Variants in NYAP2 observed in about 807,000 individuals in gnomAD.
NYAP2 encodes the protein neuronal tyrosine-phosphorylated phosphoinositide-3-kinase adaptor 2.
NYAP2 carries 23 observed loss-of-function variants against 50.4 expected under a neutral mutation model. That is an observed-to-expected ratio of 0.46 (90% CI 0.33 to 0.65). The LOEUF (loss-of-function observed/expected upper bound fraction) is 0.65, where lower values mean the gene tolerates loss of function less well. Ranked by LOEUF, NYAP2 falls within the 30% of genes least tolerant of loss-of-function variation. NYAP2 has a pLI of 0.02. For missense variants in NYAP2, 885 were observed against 861.0 expected (o/e 1.03, Z -0.35); for synonymous variants, 394 against 365.2 (o/e 1.08, Z -0.90).
Position 225,506,356 on chromosome 2 carries a change from G to T in NYAP2, c.222-7015G>T, listed in dbSNP as rs182595660. ...GCTGGGGAGAGCGTGTGAATATGATGAATTGTATGACAAGTTACACCTGCC... is the reference window on the plus strand; with the variant it reads ...GCTGGGGAGAGCGTGTGAATATGATTAATTGTATGACAAGTTACACCTGCC... On this transcript the variant is annotated intron_variant, in intron 3 of 6. Coordinates refer to ENST00000636099, the Ensembl canonical transcript of NYAP2. Among the ~76,000 whole-genome samples, 3 of 152,190 alleles carry T rather than the reference G, an allele frequency of 2.0e-5. No individual in the cohort carries two copies. The East Asian group carries it at 5.8e-4, about 29-fold the overall frequency.
intron 4 of NYAP2, among the ~76,000 whole-genome samples, chr2:225,571,796 T>G (rs1692077917): frequency 6.6e-6 from 1 of 152,242 alleles, no homozygotes; most frequent in Non-Finnish European, 1.5e-5. Context: ...TTATGCAAAT[T>G]TCTGCAGCTG....
intron 4 of NYAP2, among the ~76,000 whole-genome samples, chr2:225,522,261 T>C (rs918535592): frequency 1.3e-5 from 2 of 152,172 alleles, no homozygotes; most frequent in African/African-American, 4.8e-5. Context: ...TTCCATTTGT[T>C]ATGAACTCTT....
intron 4 of NYAP2, among the ~76,000 whole-genome samples, chr2:225,552,762 C>T (rs1206183351): frequency 1.3e-5 from 2 of 152,178 alleles, no homozygotes; most frequent in Non-Finnish European, 2.9e-5. Context: ...GTGATCTCGG[C>T]TCACAGCAAC....
chr2:225,534,737 T>G (rs1289979481), intron 4 of NYAP2, among the ~76,000 whole-genome samples: 2 of 152,148 alleles, frequency 1.3e-5, no homozygotes, highest in Non-Finnish European at 1.5e-5. Flanking sequence ...AAAGAATCAG[T>G]AATGACAAGA....
Position 225,582,078 on chromosome 2 carries a change from T to G in NYAP2, c.661T>G (p.Ser221Ala). ...CAAAAAGCATGGGCCCCGGAGGACG[T>G]CGCTGCCGCGGGACTCCTCCTTGTC... is the stretch of plus-strand genomic sequence containing the variant. Residue 221 changes from serine to alanine, a missense_variant, in exon 5 of 7, where the codon TCG (serine) becomes GCG (alanine). Physicochemically the swap from Ser to Ala is moderately conservative, Grantham distance 99 (BLOSUM62 1). Coordinates refer to ENST00000636099, the Ensembl canonical transcript of NYAP2. This position sits in a 1 kb window ranked among gnomAD's most constrained non-coding sequence, Gnocchi z 7.0. The G allele has an allele frequency of 6.2e-7, 1 of 1,613,966 alleles. No individual in the cohort carries two copies. The highest frequency in any genetic ancestry group is 8.5e-7 in the Non-Finnish European group (1 of 1,179,894).
chr2:225,568,450 C>G (rs569456020), intron 4 of NYAP2, among the ~76,000 whole-genome samples: 1 of 152,224 alleles, frequency 6.6e-6, no homozygotes, highest in South Asian at 2.1e-4. Flanking sequence ...TTCTTCAAGA[C>G]TATTTGAGGA....
chr2:225,435,455 A>G (rs1689360132), intron 3 of NYAP2, among the ~76,000 whole-genome samples: 1 of 152,234 alleles, frequency 6.6e-6, no homozygotes, highest in South Asian at 2.1e-4. Flanking sequence ...AAAAGAAGTC[A>G]TCAAAGTGGA....
At chr2:225,403,277 T>C (rs902893262) in intron 2 of NYAP2, among the ~76,000 whole-genome samples, 3 of 151,940 alleles carry the variant, frequency 2.0e-5, no homozygotes, top group African/African-American at 7.2e-5. Context: ...ACAGGTGTGG[T>C]TTAAAGAGCT....
chr2:225,506,890 C>G (rs969984933), intron 3 of NYAP2, among the ~76,000 whole-genome samples: 2 of 151,860 alleles, frequency 1.3e-5, no homozygotes, highest in Non-Finnish European at 2.9e-5. Flanking sequence ...TGCCCTTTCC[C>G]TGATACTAGA....
chr2:225,520,993 C>T (rs1222010022), intron 4 of NYAP2, among the ~76,000 whole-genome samples: 2 of 148,310 alleles, frequency 1.3e-5, no homozygotes, highest in Non-Finnish European at 3.0e-5. Context: ...CTTCACATCC[C>T]TTGTAAGTTG....
chr2:225,583,133 C>A, intron 5 of NYAP2, 98 bp downstream of exon 5: 1 of 1,353,610 alleles, frequency 7.4e-7, no homozygotes, highest in Non-Finnish European at 9.8e-7. Flanking sequence ...AGTACGGGGT[C>A]TTGAGGCCTT....
chr2:225,635,679 T>C (rs1420142509), intron 6 of NYAP2, among the ~76,000 whole-genome samples: 1 of 152,228 alleles, frequency 6.6e-6, no homozygotes, highest in Non-Finnish European at 1.5e-5. Context: ...TGTGCATTTT[T>C]CAACAAAGAT....
chr2:225,398,477 A>G (rs1327915157), upstream of NYAP2, among the ~76,000 whole-genome samples: 1 of 152,006 alleles, frequency 6.6e-6, no homozygotes, highest in Non-Finnish European at 1.5e-5. Flanking sequence ...CATGTGCTGA[A>G]AGACAACATC....
intron 3 of NYAP2, among the ~76,000 whole-genome samples, chr2:225,502,137 A>T (rs1233814335): frequency 1.3e-5 from 2 of 152,222 alleles, no homozygotes; most frequent in East Asian, 3.8e-4. Flanking sequence ...GACACGAGCA[A>T]ATCTGCATTT....
chr2:225,412,362 A>T (rs943670746), intron 3 of NYAP2, among the ~76,000 whole-genome samples: 1 of 149,290 alleles, frequency 6.7e-6, no homozygotes, highest in African/African-American at 2.5e-5. Flanking sequence ...CAGAAAGAGA[A>T]ATATTGATGA....
At chr2:225,651,357 A>G (rs1693728967) in intron 6 of NYAP2, 75 bp from the exon 7 acceptor site, 2 of 1,584,358 alleles carry the variant, frequency 1.3e-6, no homozygotes, top group Non-Finnish European at 1.7e-6. Flanking sequence ...CGAAACAAAC[A>G]GAAAGACTGA....
Position 225,520,943 on chromosome 2 carries a change from T to C in NYAP2, c.523+7271T>C, listed in dbSNP as rs1691042809. Among the ~76,000 whole-genome samples, 4 of 151,766 alleles carry C rather than the reference T, an allele frequency of 2.6e-5. No homozygotes were observed. The South Asian group carries it at 8.3e-4, about 32-fold the overall frequency. On this transcript the variant is annotated intron_variant, in intron 4 of 6. Coordinates refer to ENST00000636099, the Ensembl canonical transcript of NYAP2. ...TTCCATTTGTTTGTATCCTCTTTTA[T>C]TTCATTGAGCAGTGGTTTGTAGTTC...
chr2:225,600,156 T>C (rs1692670146), intron 5 of NYAP2, among the ~76,000 whole-genome samples: 1 of 152,122 alleles, frequency 6.6e-6, no homozygotes, highest in South Asian at 2.1e-4. Flanking sequence ...AGCCAGTAAG[T>C]CAACAGTGCT....
Position 225,488,615 on chromosome 2 carries a change from C to T in NYAP2, c.222-24756C>T, listed in dbSNP as rs956578878. ...TCTCGAGCTCTCAGCCTCAAATGAT[C>T]GCCCACCTTGGCCTCCCAAAGTGCT... is the stretch of plus-strand genomic sequence containing the variant. On this transcript the variant is annotated intron_variant, in intron 3 of 6. Coordinates refer to ENST00000636099, the Ensembl canonical transcript of NYAP2. 5.3e-5 allele frequency among the ~76,000 whole-genome samples: 8 copies of T among 152,170 alleles called. No individual in the cohort carries two copies. In the South Asian group the frequency reaches 8.3e-4, roughly 16 times the overall value.
Sources: gnomAD v4.1 joint callset for allele counts (sites outside exome capture counted in the v4.1 genomes callset) on GRCh38, gnomAD v4.1.1 for gene constraint, Gnocchi (gnomAD v3.1) non-coding constraint, MANE v1.5 for transcripts, NCBI Gene and HGNC (gene_info 2026-07-23, HGNC 2026-07-21) for gene names.